The following MICU1 variants were observed in gnomAD, a reference collection of about 807,000 sequenced individuals.
MICU1 encodes mitochondrial calcium uptake 1, also known as calcium uptake protein 1, mitochondrial.
A neutral mutation model predicts 56.8 loss-of-function variants in MICU1; 45 were observed. The ratio of observed to expected loss-of-function variants is 0.79; its 90% CI spans 0.62 to 1.02. The LOEUF is 1.02. MICU1 is among the 50% of genes least tolerant of loss of function. The pLI, the probability that MICU1 is intolerant of heterozygous loss-of-function variation, is 0.00. For synonymous variants in MICU1, 186 were observed against 195.1 expected (o/e 0.95, Z 0.39); for missense variants, 504 against 587.1 (o/e 0.86, Z 1.46).
At chr10:72,392,453 C>G (rs1172106498) in intron 10 of MICU1, among the ~76,000 whole-genome samples, 1 of 152,070 alleles carries the variant, frequency 6.6e-6, no homozygotes. Flanking sequence ...TGCCTGTAAT[C>G]CCAGCTACTC....
At chr10:72,529,243 G>GT (rs1839408772) in intron 5 of MICU1, among the ~76,000 whole-genome samples, 1 of 152,102 alleles carries the variant, frequency 6.6e-6, no homozygotes, top group Non-Finnish European at 1.5e-5. Context: ...GGGGACTGTA[G>GT]TTACAAATAA....
At chr10:72,526,428 T>A (rs7099732) in intron 5 of MICU1, among the ~76,000 whole-genome samples, 5,405 of 152,206 alleles carry the variant, frequency 0.036, 302 homozygotes, top group African/African-American at 0.12. Context: ...CCCAAGTAGC[T>A]GGGATTACAG....
chr10:72,593,535 A>C (rs1012739465), intron 1 of MICU1, among the ~76,000 whole-genome samples: 1 of 152,016 alleles, frequency 6.6e-6, no homozygotes, highest in Non-Finnish European at 1.5e-5. Context: ...AAAAAAAAAA[A>C]ACCAAAAAGC....
chr10:72,533,188 G>T, intron 5 of MICU1: 1 of 1,218,104 alleles, frequency 8.2e-7, no homozygotes, highest in Non-Finnish European at 1.1e-6. Flanking sequence ...ATGTTTGACT[G>T]CTTTATGAGA....
chr10:72,587,887 CTT>C (rs199948374), intron 1 of MICU1, among the ~76,000 whole-genome samples: 1,830 of 152,268 alleles, frequency 0.012, 16 homozygotes, highest in Non-Finnish European at 0.018. Flanking sequence ...GAGAAAAACA[CTT>C]TTAAACTGAG....
chr10:72,556,584 C>T (rs935558721), intron 3 of MICU1, among the ~76,000 whole-genome samples: 1 of 152,016 alleles, frequency 6.6e-6, no homozygotes, highest in Non-Finnish European at 1.5e-5. Context: ...GGTGATCCAC[C>T]CACCTCGGCC....
chr10:72,421,520 G>A (rs544218557), intron 9 of MICU1, among the ~76,000 whole-genome samples: 7 of 152,180 alleles, frequency 4.6e-5, no homozygotes, highest in East Asian at 1.9e-4. Context: ...GGTGATCTGC[G>A]TGTCTTGACC....
chr10:72,412,380 C>A (rs1344343852), intron 9 of MICU1, among the ~76,000 whole-genome samples: 1 of 152,192 alleles, frequency 6.6e-6, no homozygotes, highest in Admixed American at 6.5e-5. Flanking sequence ...GTTCAACAAA[C>A]TGGTTATCTA....
intron 1 of MICU1, among the ~76,000 whole-genome samples, chr10:72,604,630 T>G (rs893577827): frequency 6.6e-6 from 1 of 152,118 alleles, no homozygotes; most frequent in African/African-American, 2.4e-5. Context: ...AAGTACTTTT[T>G]AAAAAGAATC....
In MICU1 at chr10:72,563,912, G is replaced by C. The variant is rs575779036; in HGVS notation, c.162-849C>G. On this transcript the variant is annotated intron_variant, in intron 2 of 11. Coordinates refer to ENST00000361114, the MANE Select transcript of MICU1 (RefSeq NM_001195518.2). The stretch of plus-strand genomic sequence containing the variant: ...AATATCAAGGTCTTTAGAAAAAAAT[G>C]GTTAAGATGTAAGTTTTATGTTATG... Among the ~76,000 whole-genome samples, 11 of 152,204 alleles carry C rather than the reference G, an allele frequency of 7.2e-5. 1 individual carries two copies. In the South Asian group the frequency reaches 2.3e-3, roughly 32 times the overall value.
intron 5 of MICU1, among the ~76,000 whole-genome samples, chr10:72,530,148 T>C (rs1839435665): frequency 6.6e-6 from 1 of 151,042 alleles, no homozygotes; most frequent in South Asian, 2.1e-4. Context: ...GCCAACATGG[T>C]AAAACCCCGT....
chr10:72,603,881 C>T (rs1462064014), intron 1 of MICU1, among the ~76,000 whole-genome samples: 1 of 152,124 alleles, frequency 6.6e-6, no homozygotes, highest in Non-Finnish European at 1.5e-5. Flanking sequence ...AAAGGCAGGA[C>T]AACTCAAAGC....
In MICU1 at chr10:72,414,706, C is replaced by T. The variant is rs952266659; in HGVS notation, c.1072-6669G>A. Among the ~76,000 whole-genome samples, 9 of 152,076 alleles carry T rather than the reference C, an allele frequency of 5.9e-5. 1 individual carries two copies. In the South Asian group the frequency reaches 1.9e-3, roughly 31 times the overall value. ...GATAACTTATGGTATATAAATTATA[C>T]CTCAAAAAAAGTTGTTAAAAAATAT... On this transcript the variant is annotated intron_variant, in intron 9 of 11. Coordinates refer to ENST00000361114, the MANE Select transcript of MICU1 (RefSeq NM_001195518.2).
intron 1 of MICU1, among the ~76,000 whole-genome samples, chr10:72,606,130 C>CAA (rs11317547): frequency 8.1e-6 from 1 of 124,140 alleles, no homozygotes; most frequent in Non-Finnish European, 1.7e-5. Context: ...GACTCCATCT[C>CAA]AAAAAAAAAA....
chr10:72,455,196 A>G (rs1865420090), intron 8 of MICU1, among the ~76,000 whole-genome samples: 1 of 151,874 alleles, frequency 6.6e-6, no homozygotes, highest in Admixed American at 6.6e-5. Flanking sequence ...CTGATAAAGT[A>G]CAAAAATTAG....
intron 1 of MICU1, 32 bp from the exon 2 acceptor site, chr10:72,566,826 G>A (rs760607980): frequency 3.2e-5 from 50 of 1,563,674 alleles, no homozygotes; most frequent in Non-Finnish European, 4.2e-5. Flanking sequence ...GTCACTCTTA[G>A]CTAGTGGTAG....
chr10:72,378,431 CCTCT>C (rs1177796438), intron 10 of MICU1, among the ~76,000 whole-genome samples: 1 of 152,090 alleles, frequency 6.6e-6, no homozygotes, highest in Non-Finnish European at 1.5e-5. Flanking sequence ...GCACCTCCCA[CCTCT>C]CTCTCTTCCT....
intron 8 of MICU1, among the ~76,000 whole-genome samples, chr10:72,469,677 A>G (rs2132256484): frequency 6.6e-6 from 1 of 152,344 alleles, no homozygotes; most frequent in East Asian, 1.9e-4. Flanking sequence ...TTAAAGGCAC[A>G]GTGCATGCCC....
intron 10 of MICU1, among the ~76,000 whole-genome samples, chr10:72,404,036 C>G (rs1247656908): frequency 2.0e-5 from 3 of 151,392 alleles, no homozygotes; most frequent in African/African-American, 7.3e-5. Context: ...GTCTCTCAAG[C>G]TGGAGTAGAG....
Sources: allele counts gnomAD v4.1 joint callset (sites outside exome capture counted in the v4.1 genomes callset), GRCh38; gene constraint gnomAD v4.1.1; transcripts MANE v1.5; gene names NCBI Gene and HGNC (gene_info 2026-07-23, HGNC 2026-07-21).